Variants in SGCZ observed in about 807,000 individuals in gnomAD.
The protein encoded by SGCZ is zeta-sarcoglycan.
Under a neutral mutation model 41.3 loss-of-function variants are expected in SGCZ, and 40 were observed. That is an observed-to-expected ratio of 0.97 (90% CI 0.75 to 1.26). The LOEUF (loss-of-function observed/expected upper bound fraction) is 1.26. Ranked by LOEUF, SGCZ falls within the 50% of genes most tolerant of loss-of-function variation. SGCZ has a pLI of 0.00. For missense variants in SGCZ, 552 were observed against 369.8 expected (o/e 1.49, Z -4.04); for synonymous variants, 206 against 137.5 (o/e 1.50, Z -3.49).
At chr8:14,196,012 T>C (rs950344602) in intron 4 of SGCZ, among the ~76,000 whole-genome samples, 1 of 152,146 alleles carries the variant, frequency 6.6e-6, no homozygotes, top group Non-Finnish European at 1.5e-5. Context: ...TATTATTTAA[T>C]CTATTTAAAA....
intron 1 of SGCZ, among the ~76,000 whole-genome samples, chr8:15,097,851 T>G (rs1806422470): frequency 1.1e-4 from 1 of 8,862 alleles, no homozygotes; most frequent in African/African-American, 2.3e-4. Flanking sequence ...TGTATATATA[T>G]ATATACGTGT....
intron 3 of SGCZ, among the ~76,000 whole-genome samples, chr8:14,313,546 A>C (rs1801614901): frequency 6.6e-6 from 1 of 152,002 alleles, no homozygotes; most frequent in Admixed American, 6.6e-5. Context: ...CAAACACCCG[A>C]CCTAAAATGA....
At chr8:14,864,933 C>G (rs1803875206) in intron 1 of SGCZ, among the ~76,000 whole-genome samples, 2 of 151,936 alleles carry the variant, frequency 1.3e-5, no homozygotes, top group Admixed American at 1.3e-4. Flanking sequence ...TGATGTTGAG[C>G]ATTTTTTCTA....
intron 3 of SGCZ, among the ~76,000 whole-genome samples, chr8:14,261,600 G>A (rs1367671661): frequency 6.6e-6 from 1 of 152,106 alleles, no homozygotes; most frequent in Non-Finnish European, 1.5e-5. Flanking sequence ...TAAGCTATTT[G>A]AGCTAAGTGG....
intron 3 of SGCZ, among the ~76,000 whole-genome samples, chr8:14,273,998 T>A (rs1027518117): frequency 6.6e-6 from 1 of 152,134 alleles, no homozygotes; most frequent in East Asian, 1.9e-4. Context: ...CCTTCCCTCC[T>A]GCTGGTATTT....
intron 1 of SGCZ, among the ~76,000 whole-genome samples, chr8:14,704,081 T>A (rs1809253436): frequency 6.6e-6 from 1 of 152,050 alleles, no homozygotes; most frequent in Non-Finnish European, 1.5e-5. Context: ...GCATAAGAAA[T>A]CAGGAATCAT....
intron 1 of SGCZ, among the ~76,000 whole-genome samples, chr8:14,991,118 G>A (rs1263232541): frequency 6.6e-6 from 1 of 152,042 alleles, no homozygotes; most frequent in East Asian, 1.9e-4. Context: ...TTAACATTTT[G>A]GCAAGCATAA....
chr8:15,159,912 C>T (rs186516268), intron 1 of SGCZ, among the ~76,000 whole-genome samples: 2 of 151,690 alleles, frequency 1.3e-5, no homozygotes, highest in East Asian at 3.9e-4. Flanking sequence ...CAACTTTGTG[C>T]CAATAGGCAC....
chr8:14,351,384 G>A (rs980668837), intron 2 of SGCZ, among the ~76,000 whole-genome samples: 1 of 151,800 alleles, frequency 6.6e-6, no homozygotes, highest in African/African-American at 2.4e-5. Context: ...TTGCAGTTTG[G>A]CTATCAACTT....
intron 1 of SGCZ, among the ~76,000 whole-genome samples, chr8:15,169,046 G>A (rs1357859349): frequency 6.6e-6 from 1 of 152,062 alleles, no homozygotes; most frequent in Non-Finnish European, 1.5e-5. Flanking sequence ...TAATAATCTG[G>A]TTTGTCTGTC....
chr8:14,838,555 A>G (rs1162427639), intron 1 of SGCZ, among the ~76,000 whole-genome samples: 2 of 151,996 alleles, frequency 1.3e-5, no homozygotes, highest in African/African-American at 4.8e-5. Context: ...GGAATTACTC[A>G]GACTAGGCAA....
At chr8:14,403,128 T>C (rs1049187610) in intron 2 of SGCZ, among the ~76,000 whole-genome samples, 1 of 150,138 alleles carries the variant, frequency 6.7e-6, no homozygotes, top group East Asian at 1.9e-4. Context: ...GTGATTTTTG[T>C]ACATTGATTT....
At chr8:14,295,935 C>G (rs1699156352) in intron 3 of SGCZ, among the ~76,000 whole-genome samples, 1 of 152,104 alleles carries the variant, frequency 6.6e-6, no homozygotes, top group African/African-American at 2.4e-5. Flanking sequence ...AGCACATGCA[C>G]AGGGCCAGTG....
rs73533191 is a variant in SGCZ at position 14,565,754 on chromosome 8, G to C, written c.40-10828C>G. Among the ~76,000 whole-genome samples the C allele has an allele frequency of 8.1e-3, 1,226 of 152,098 alleles. 11 individuals carry two copies. The highest frequency in any genetic ancestry group is 0.028 in the African/African-American group (1,171 of 41,504). The stretch of plus-strand genomic sequence containing the variant: ...CAGAAAGAGGAGGGGATATTGTCTT[G>C]TATTCTAACACCAAGCAGAACAAGG... On this transcript the variant is annotated intron_variant, in intron 1 of 7. Transcript: ENST00000382080.
chr8:15,000,137 A>C (rs1167712560), intron 1 of SGCZ, among the ~76,000 whole-genome samples: 1 of 152,102 alleles, frequency 6.6e-6, no homozygotes, highest in East Asian at 1.9e-4. Flanking sequence ...ACAAAGAAAA[A>C]ATCATATGAT....
chr8:14,317,231 G>A (rs983205284), intron 3 of SGCZ, among the ~76,000 whole-genome samples: 1 of 151,952 alleles, frequency 6.6e-6, no homozygotes. Flanking sequence ...TGGCCACTGT[G>A]GTAAGGTTAT....
At chr8:15,104,742 G>A (rs961868110) in intron 1 of SGCZ, among the ~76,000 whole-genome samples, 1 of 152,066 alleles carries the variant, frequency 6.6e-6, no homozygotes, top group Non-Finnish European at 1.5e-5. Context: ...ATATAGAAGT[G>A]TACCCATGTT....
chr8:14,985,812 T>G (rs1451429661), intron 1 of SGCZ, among the ~76,000 whole-genome samples: 1 of 152,178 alleles, frequency 6.6e-6, no homozygotes, highest in African/African-American at 2.4e-5. Flanking sequence ...GAATATTTAG[T>G]TTTTTAGGAC....
chr8:14,555,884 T>G (rs542589166), intron 1 of SGCZ, among the ~76,000 whole-genome samples: 39 of 152,218 alleles, frequency 2.6e-4, no homozygotes, highest in African/African-American at 8.9e-4. Context: ...ATGTTGGTTA[T>G]TTTAGTTGTA....
Sources: allele counts gnomAD v4.1 joint callset (sites outside exome capture counted in the v4.1 genomes callset), GRCh38; gene constraint gnomAD v4.1.1; transcripts MANE v1.5; gene names NCBI Gene and HGNC (gene_info 2026-07-23, HGNC 2026-07-21).